The following SERINC5 variants were observed in gnomAD, a reference collection of about 807,000 sequenced individuals.
SERINC5 encodes serine incorporator 5.
A neutral mutation model predicts 63.1 loss-of-function variants in SERINC5; 41 were observed. That is an observed-to-expected ratio of 0.65 (90% CI 0.51 to 0.84). The LOEUF is 0.84. Ranked by LOEUF, SERINC5 falls within the 40% of genes least tolerant of loss-of-function variation. The probability of loss-of-function intolerance (pLI) is 0.00; values close to 1 mark genes in which losing one functional copy is unlikely to be tolerated. For synonymous variants in SERINC5, 222 were observed against 215.2 expected, an observed-to-expected ratio of 1.03 and a Z score of -0.28; for missense variants, 523 against 573.0, an observed-to-expected ratio of 0.91 and a Z score of 0.89.
At chr5:80,159,773 G>T (rs567460564) in intron 7 of SERINC5, among the ~76,000 whole-genome samples, 25 of 152,222 alleles carry the variant, frequency 1.6e-4, no homozygotes, top group South Asian at 1.0e-3. Context: ...AGGCCCAAAA[G>T]GACATGGTTC....
At chr5:80,121,737 G>T (rs1178056968) in intron 11 of SERINC5, among the ~76,000 whole-genome samples, 2 of 152,114 alleles carry the variant, frequency 1.3e-5, no homozygotes, top group Non-Finnish European at 2.9e-5. Context: ...TTCTGGTGAG[G>T]ACTCAAGAAA....
At chr5:80,177,472 T>C in intron 3 of SERINC5, 75 bp from the exon 4 acceptor site, 2 of 1,153,846 alleles carry the variant, frequency 1.7e-6, no homozygotes, top group South Asian at 2.6e-5. Flanking sequence ...TCGTAGAAGG[T>C]ACAGCATGTC....
intron 1 of SERINC5, among the ~76,000 whole-genome samples, chr5:80,224,608 C>T (rs950451063): frequency 6.6e-6 from 1 of 152,104 alleles, no homozygotes; most frequent in African/African-American, 2.4e-5. Context: ...AGCAACAGCT[C>T]TTGAAAAGTG....
intron 7 of SERINC5, among the ~76,000 whole-genome samples, chr5:80,161,015 C>T (rs951886247): frequency 9.2e-5 from 13 of 141,148 alleles, no homozygotes; most frequent in South Asian, 2.3e-4. Context: ...TGTATATATA[C>T]GTGTATATAT....
At chr5:80,165,606 TTC>T (rs763308288) in intron 7 of SERINC5, among the ~76,000 whole-genome samples, 273 of 152,300 alleles carry the variant, frequency 1.8e-3, no homozygotes, top group Non-Finnish European at 2.7e-3. Flanking sequence ...AATCACTATG[TTC>T]TGTTGTCTCT....
chr5:80,253,895 T>C (rs74879752), intron 1 of SERINC5, among the ~76,000 whole-genome samples: 1,645 of 152,288 alleles, frequency 0.011, 26 homozygotes, highest in African/African-American at 0.036. Flanking sequence ...CAAGAATTGG[T>C]AACTTCTGAC....
intron 1 of SERINC5, among the ~76,000 whole-genome samples, chr5:80,241,699 G>A (rs963185171): frequency 1.6e-4 from 25 of 151,694 alleles, no homozygotes; most frequent in South Asian, 1.5e-3. Flanking sequence ...AGAACCCATC[G>A]CTAAAAAATA....
chr5:80,250,274 G>T (rs896965486), intron 1 of SERINC5, among the ~76,000 whole-genome samples: 8 of 152,172 alleles, frequency 5.3e-5, no homozygotes, highest in Non-Finnish European at 8.8e-5. Context: ...CATTAATTGA[G>T]CTGGGACCTC....
chr5:80,184,020 G>A lies in SERINC5; in HGVS notation c.196-5956C>T, dbSNP rs142364198. Among the ~76,000 whole-genome samples the A allele has an allele frequency of 5.1e-3, 773 of 152,292 alleles. 4 individuals are homozygous for A. Among genetic ancestry groups the A allele is most frequent in the African/African-American group, 0.018 (739 of 41,536 alleles). On this transcript the variant is annotated intron_variant, in intron 2 of 11. Coordinates refer to ENST00000507668, the MANE Select transcript of SERINC5 (RefSeq NM_001174072.3). Reference sequence around the variant, plus strand: ...AACAGCATGGTTAAAATTTTCAGGTGCTGAAATATGGTAGGGGACACACAC... The same window carrying A: ...AACAGCATGGTTAAAATTTTCAGGTACTGAAATATGGTAGGGGACACACAC...
At chr5:80,225,928 C>T (rs1751146214) in intron 1 of SERINC5, among the ~76,000 whole-genome samples, 1 of 152,142 alleles carries the variant, frequency 6.6e-6, no homozygotes, top group African/African-American at 2.4e-5. Flanking sequence ...CAAGGAGATC[C>T]TTCTACCCAG....
chr5:80,238,291 T>C (rs1466214196), intron 1 of SERINC5, among the ~76,000 whole-genome samples: 1 of 152,006 alleles, frequency 6.6e-6, no homozygotes. Context: ...TCATACCCCT[T>C]ACTCAGCAAC....
intron 4 of SERINC5, 145 bp downstream of exon 4, chr5:80,177,170 G>A: frequency 1.7e-6 from 1 of 602,670 alleles, no homozygotes; most frequent in Non-Finnish European, 3.0e-6. Flanking sequence ...GAAAAAGTAT[G>A]GGCAGGTAAG....
At chr5:80,133,613 A>C (rs1745037050) in intron 11 of SERINC5, among the ~76,000 whole-genome samples, 1 of 152,242 alleles carries the variant, frequency 6.6e-6, no homozygotes, top group Admixed American at 6.5e-5. Context: ...GCGTGTTCTA[A>C]AATCAAAATA....
At chr5:80,179,333 AAG>A (rs1748270983) in intron 2 of SERINC5, among the ~76,000 whole-genome samples, 1 of 152,168 alleles carries the variant, frequency 6.6e-6, no homozygotes, top group African/African-American at 2.4e-5. Flanking sequence ...ATAAGCCATG[AAG>A]AGTCTTTCTC....
At position 80,122,212 on chromosome 5, in the gene SERINC5, T is replaced by TATATATATATAA. The variant is rs777568982; in HGVS notation, c.1239-8588_1239-8587insTTATATATATAT. On this transcript the variant is annotated intron_variant, in intron 11 of 12. Transcript: ENST00000509193. ...AGAACTAATAGTATATATATATATA[T>TATATATATATAA]AATATGAGTTTATTAAATATTAGCT... Among the ~76,000 whole-genome samples, 41 of 142,508 alleles carry TATATATATATAA rather than the reference T, an allele frequency of 2.9e-4. No individual in the cohort carries two copies. In the South Asian group the frequency reaches 5.7e-3, roughly 20 times the overall value. 93.5% of individuals were successfully genotyped at this position (142,508 alleles called of 152,430 possible). A position where few individuals can be genotyped will look rare whatever the true frequency, so the allele number is the denominator to read the frequency against.
intron 1 of SERINC5, among the ~76,000 whole-genome samples, chr5:80,227,619 AG>A (rs112846150): frequency 0.32 from 48,227 of 148,822 alleles, 8,482 homozygotes; most frequent in East Asian, 0.47. Flanking sequence ...AAAAAAAAAA[AG>A]AATCGCATGT....
chr5:80,190,533 C>G (rs1749117354), intron 2 of SERINC5, among the ~76,000 whole-genome samples: 1 of 152,190 alleles, frequency 6.6e-6, no homozygotes, highest in South Asian at 2.1e-4. Flanking sequence ...CTACTATGTG[C>G]AGGTATTGCT....
At position 80,139,712 on chromosome 5, in the gene SERINC5, A is replaced by G; in HGVS notation, c.*3951T>C. On this transcript the variant is annotated 3_prime_UTR_variant, in exon 12 of 12. Transcript: ENST00000507668. ...CCTGAAATACAAAACTAAGTTAACT[A>G]GCAAGTTACAGGAAATAGCCTTCAG... is the stretch of plus-strand genomic sequence containing the variant. The G allele has an allele frequency of 1.0e-6, 1 of 985,424 alleles. No individual in the cohort carries two copies. The highest frequency in any genetic ancestry group is 1.2e-6 in the Non-Finnish European group (1 of 829,958). The allele number at this position is 985,424 out of a possible 1,614,324, so 61.0% of individuals were successfully genotyped here.
At chr5:80,178,960 A>G (rs1198589168) in intron 2 of SERINC5, among the ~76,000 whole-genome samples, 2 of 152,092 alleles carry the variant, frequency 1.3e-5, no homozygotes, top group African/African-American at 2.4e-5. Context: ...ACAGCTTTTT[A>G]AAATAAAAGA....
Sources: gnomAD v4.1 joint callset for allele counts (sites outside exome capture counted in the v4.1 genomes callset) on GRCh38, gnomAD v4.1.1 for gene constraint, MANE v1.5 for transcripts, NCBI Gene and HGNC (gene_info 2026-07-23, HGNC 2026-07-21) for gene names.